The following PDE4D variants were observed in gnomAD, a reference collection of about 807,000 sequenced individuals.
The protein encoded by PDE4D is 3',5'-cyclic-AMP phosphodiesterase 4D.
PDE4D carries 24 observed loss-of-function variants against 87.4 expected under a neutral mutation model. That is an observed-to-expected ratio of 0.27 (90% confidence interval 0.20 to 0.39). PDE4D has a LOEUF of 0.39. PDE4D is among the 10% of genes least tolerant of loss of function. PDE4D has a pLI of 1.00. For missense variants in PDE4D, 714 were observed against 1,041.0 expected (o/e 0.69, Z 4.32); for synonymous variants, 384 against 383.2 (o/e 1.00, Z -0.02).
intron 1 of PDE4D, among the ~76,000 whole-genome samples, chr5:59,600,729 A>T (rs1827383646): frequency 6.6e-6 from 1 of 152,164 alleles, no homozygotes; most frequent in South Asian, 2.1e-4. Flanking sequence ...ATCTGCTACA[A>T]AACACACTTC....
chr5:59,551,718 T>G (rs1405959676), intron 1 of PDE4D, among the ~76,000 whole-genome samples: 1 of 152,222 alleles, frequency 6.6e-6, no homozygotes, highest in South Asian at 2.1e-4. Flanking sequence ...CATGTTAGCT[T>G]GATTTTTGAA....
intron 2 of PDE4D, among the ~76,000 whole-genome samples, chr5:60,168,304 T>A (rs1403894694): frequency 6.6e-6 from 1 of 152,250 alleles, no homozygotes; most frequent in African/African-American, 2.4e-5. Context: ...AGAGCAGATT[T>A]TCCACTTGGC....
intron 1 of PDE4D, among the ~76,000 whole-genome samples, chr5:59,226,265 G>A (rs1330770432): frequency 1.3e-5 from 2 of 152,052 alleles, no homozygotes; most frequent in African/African-American, 2.4e-5. Flanking sequence ...ATCAATGAAC[G>A]AATGGATTAA....
Position 59,386,642 on chromosome 5 carries a change from C to CAAGA in PDE4D, c.456-170678_456-170675dup, listed in dbSNP as rs138229777. On this transcript the variant is annotated intron_variant, in intron 1 of 14. Coordinates refer to ENST00000340635, the MANE Select transcript of PDE4D (RefSeq NM_001104631.2). ...CCTGGGGCACAAAGCAGGACCTTGT[C>CAAGA]AAGAAAGAAAGAAAGAAAAAGAAAA... Among the ~76,000 whole-genome samples, 689 of 108,768 alleles carry CAAGA rather than the reference C, an allele frequency of 6.3e-3. 33 individuals are homozygous for CAAGA. The East Asian group carries it at 0.16, about 26-fold the overall frequency. 71.4% of individuals were successfully genotyped at this position (108,768 alleles called of 152,430 possible). A position where few individuals can be genotyped will look rare whatever the true frequency, so the allele number is the denominator to read the frequency against.
At chr5:59,953,143 G>A (rs187166477) in intron 3 of PDE4D, among the ~76,000 whole-genome samples, 8 of 151,838 alleles carry the variant, frequency 5.3e-5, no homozygotes, top group Non-Finnish European at 1.2e-4. Flanking sequence ...AAATAAGTTC[G>A]GGTCTCATGC....
chr5:60,190,569 A>G (rs1785119823), intron 1 of PDE4D, among the ~76,000 whole-genome samples: 1 of 152,234 alleles, frequency 6.6e-6, no homozygotes, highest in Admixed American at 6.5e-5. Flanking sequence ...GAAAGAACGT[A>G]GAGTACAAAT....
intron 2 of PDE4D, among the ~76,000 whole-genome samples, chr5:60,021,580 T>C (rs1018153741): frequency 1.3e-5 from 2 of 152,160 alleles, no homozygotes; most frequent in African/African-American, 4.8e-5. Context: ...ATGACACATT[T>C]GAGGGTACAT....
intron 1 of PDE4D, among the ~76,000 whole-genome samples, chr5:59,708,604 A>C (rs1441733270): frequency 6.6e-6 from 1 of 152,090 alleles, no homozygotes; most frequent in Non-Finnish European, 1.5e-5. Context: ...ATTCAGTCCA[A>C]AATCTGCTTT....
At chr5:60,216,712 T>C (rs115136208) in intron 1 of PDE4D, among the ~76,000 whole-genome samples, 2,125 of 152,214 alleles carry the variant, frequency 0.014, 23 homozygotes, top group Middle Eastern at 0.034. Flanking sequence ...ACATATTACA[T>C]ATTAGTAACA....
intron 1 of PDE4D, among the ~76,000 whole-genome samples, chr5:59,572,512 G>A (rs1583174085): frequency 6.6e-6 from 1 of 151,968 alleles, no homozygotes; most frequent in Non-Finnish European, 1.5e-5. Context: ...ACGGAGTCTT[G>A]CTCTTTCGCC....
intron 1 of PDE4D, among the ~76,000 whole-genome samples, chr5:59,885,888 A>G (rs1210750386): frequency 6.6e-6 from 1 of 152,216 alleles, no homozygotes; most frequent in Non-Finnish European, 1.5e-5. Flanking sequence ...AAAAAAGATC[A>G]CTAGACCTTT....
At chr5:59,774,909 T>C (rs1763934473) in intron 1 of PDE4D, among the ~76,000 whole-genome samples, 1 of 151,956 alleles carries the variant, frequency 6.6e-6, no homozygotes, top group Non-Finnish European at 1.5e-5. Flanking sequence ...TGGTCAGACT[T>C]GTCTCAAACT....
chr5:59,842,797 C>T (rs1391584263), intron 1 of PDE4D, among the ~76,000 whole-genome samples: 1 of 151,990 alleles, frequency 6.6e-6, no homozygotes, highest in African/African-American at 2.4e-5. Context: ...CTCACATTCA[C>T]ATTTTCAAAT....
intron 1 of PDE4D, among the ~76,000 whole-genome samples, chr5:59,448,250 A>G (rs1798627722): frequency 6.6e-6 from 1 of 152,150 alleles, no homozygotes; most frequent in Admixed American, 6.5e-5. Flanking sequence ...CTGGCTGCCA[A>G]GTGAGGTGGG....
At chr5:60,239,133 C>T (rs1375903728) in intron 1 of PDE4D, among the ~76,000 whole-genome samples, 2 of 152,084 alleles carry the variant, frequency 1.3e-5, no homozygotes. Flanking sequence ...CTACATTCCA[C>T]ATGGGATTTA....
At chr5:59,291,888 AT>A (rs971005170) in intron 1 of PDE4D, among the ~76,000 whole-genome samples, 1 of 151,940 alleles carries the variant, frequency 6.6e-6, no homozygotes, top group African/African-American at 2.4e-5. Flanking sequence ...TGCTAAAAAA[AT>A]ATCCACAAAC....
At chr5:58,991,114 C>T (rs1338230799) in intron 8 of PDE4D, among the ~76,000 whole-genome samples, 1 of 151,994 alleles carries the variant, frequency 6.6e-6, no homozygotes, top group Non-Finnish European at 1.5e-5. Flanking sequence ...AACCCCATCT[C>T]CACTAAAAAT....
At chr5:59,350,669 A>T (rs1038877637) in intron 1 of PDE4D, among the ~76,000 whole-genome samples, 1 of 152,218 alleles carries the variant, frequency 6.6e-6, no homozygotes, top group Non-Finnish European at 1.5e-5. Flanking sequence ...AATTGCTGCC[A>T]TGTGGAGCTT....
chr5:58,994,508 A>G (rs1748711315), intron 6 of PDE4D, among the ~76,000 whole-genome samples: 1 of 152,232 alleles, frequency 6.6e-6, no homozygotes, highest in Non-Finnish European at 1.5e-5. Context: ...TGACAAAAAA[A>G]AGTCAGATGC....
Sources: allele counts gnomAD v4.1 joint callset (sites outside exome capture counted in the v4.1 genomes callset), GRCh38; gene constraint gnomAD v4.1.1; transcripts MANE v1.5; gene names NCBI Gene and HGNC (gene_info 2026-07-23, HGNC 2026-07-21).